FGD1: variants seen among roughly 807,000 people sequenced by gnomAD.
FGD1 encodes the protein FYVE, RhoGEF and PH domain-containing protein 1.
FGD1 carries 12 observed loss-of-function variants against 65.0 expected under a neutral mutation model. That is an observed-to-expected ratio of 0.18 (90% CI 0.12 to 0.30). The LOEUF (loss-of-function observed/expected upper bound fraction) is 0.30, where lower values mean the gene tolerates loss of function less well. FGD1 is among the 10% of genes least tolerant of loss of function. The pLI is 1.00. For synonymous variants in FGD1, 333 were observed against 343.9 expected, an observed-to-expected ratio of 0.97 and a Z score of 0.35; for missense variants, 542 against 837.6, an observed-to-expected ratio of 0.65 and a Z score of 4.36.
At chrX:54,491,949 T>A (rs1337858820) in intron 1 of FGD1, among the ~76,000 whole-genome samples, 1 of 109,066 alleles carries the variant, frequency 9.2e-6, no homozygotes, top group Non-Finnish European at 1.9e-5. Flanking sequence ...AAAACGGCTC[T>A]AACATCAGGT....
chrX:54,486,571 A>G (rs1422509946), intron 1 of FGD1, among the ~76,000 whole-genome samples: 1 of 110,059 alleles, frequency 9.1e-6, no homozygotes, highest in African/African-American at 3.3e-5. Flanking sequence ...AGTAGAGACA[A>G]CATTACGCCA....
At chrX:54,468,276 A>C (rs775068712) in intron 5 of FGD1, among the ~76,000 whole-genome samples, 1 of 111,695 alleles carries the variant, frequency 9.0e-6, no homozygotes, top group Non-Finnish European at 1.9e-5. Flanking sequence ...AACAATTAGA[A>C]GTCAGGATCA....
chrX:54,459,938 T>C (rs748870577), intron 8 of FGD1, among the ~76,000 whole-genome samples: 2 of 107,248 alleles, frequency 1.9e-5, no homozygotes, highest in East Asian at 6.3e-4. Flanking sequence ...CCATTCTTTA[T>C]TTCTTTACTT....
Position 54,471,385 on chromosome X carries a change from G to C in FGD1, c.410C>G (p.Pro137Arg). ...PEGPQRLRSD[P>R]GPPTETPSQR... ...GCTAGGGGTTTCAGTCGGGGGACCT[G>C]GGTCTGAGCGAAGCCGCTGGGGACC... The change falls in exon 2 of 18, where the codon CCA becomes CGA. Residue 137 changes from proline to arginine, a missense_variant. Physicochemically the swap from Pro to Arg is moderately radical, Grantham distance 103 (BLOSUM62 -2). Coordinates refer to ENST00000375135, the MANE Select transcript of FGD1 (RefSeq NM_004463.3). The C allele has an allele frequency of 8.3e-7, 1 of 1,211,263 alleles. No individual in the cohort carries two copies.
At chrX:54,463,531 C>T (rs771097048) in intron 8 of FGD1, among the ~76,000 whole-genome samples, 1 of 112,121 alleles carries the variant, frequency 8.9e-6, no homozygotes, top group South Asian at 3.8e-4. Flanking sequence ...CTCTCTTGCT[C>T]CCCAAGTAAT....
Position 54,470,701 on chromosome X carries a change from GGATGGGCT to G in FGD1, c.533_540del (p.Glu178AlafsTer36). On this transcript the variant is annotated frameshift_variant, in exon 3 of 18. Transcript: ENST00000375135. LOFTEE classifies it high-confidence loss of function. ...GGCAGTGGGCGTGATGGTGGAGGGGGGATGGGCTCCAGTGGGGGGGGCATCCGGGGCAT... is the reference window on the plus strand; with the variant it reads ...GGCAGTGGGCGTGATGGTGGAGGGGGCCAGTGGGGGGGGCATCCGGGGCAT... The G allele has an allele frequency of 1.0e-6, 1 of 993,385 alleles. No homozygotes were observed. The highest frequency in any genetic ancestry group is 1.4e-6 in the Non-Finnish European group (1 of 711,578). 81.9% of individuals were successfully genotyped at this position (993,385 alleles called of 1,213,427 possible). A position where few individuals can be genotyped will look rare whatever the true frequency, so the allele number is the denominator to read the frequency against.
At position 54,456,301 on chromosome X, in the gene FGD1, G is replaced by C; in HGVS notation, c.1761C>G (p.Pro587=). Residue 587 remains proline, a synonymous_variant, in exon 10 of 18, where the codon CCC becomes CCG. Transcript: ENST00000375135. The stretch of plus-strand genomic sequence containing the variant: ...GGCCTTCTTTTATGAGCTCTTTGGT[G>C]GGGCTGACAATGTCCTCCTCGCCCC... ...LLGGEEDIVS[P]TKELIKEGHI... is the part of the protein sequence containing the mutation. 8.3e-7 allele frequency: 1 copy of C among 1,211,006 alleles called. No homozygotes were observed. Among genetic ancestry groups the C allele is most frequent in the Non-Finnish European group, 1.1e-6 (1 of 895,136 alleles).
chrX:54,460,146 TA>T (rs113232435), intron 8 of FGD1, among the ~76,000 whole-genome samples: 16,080 of 104,493 alleles, frequency 0.15, 2,154 homozygotes, highest in African/African-American at 0.42. Context: ...ATAAAAATAA[TA>T]AAAAAAAATA....
At chrX:54,465,351 G>A in intron 8 of FGD1, 100 bp downstream of exon 8, 1 of 959,008 alleles carries the variant, frequency 1.0e-6, no homozygotes, top group Non-Finnish European at 1.4e-6. Context: ...GGCAATGGAA[G>A]GCCGACCCTG....
In FGD1 at chrX:54,495,416, G is replaced by T. The variant is rs1161949227; in HGVS notation, c.17C>A (p.Ala6Asp). 1 of 1,093,260 alleles carries T rather than the reference G, an allele frequency of 9.1e-7. No individual in the cohort carries two copies. Among genetic ancestry groups the T allele is most frequent in the Non-Finnish European group, 1.2e-6 (1 of 845,670 alleles). The allele number at this position is 1,093,260 out of a possible 1,213,427, so 90.1% of individuals were successfully genotyped here. Reference protein sequence around the residue: MHGHRAPGGAGPSEPE... With the variant: MHGHRDPGGAGPSEPE... The stretch of plus-strand genomic sequence containing the variant: ...CTCCGAAGGCCCGGCGCCCCCCGGG[G>T]CTCGGTGGCCATGCATGGTCCGGGC... The change falls in exon 1 of 18, where the codon GCC (alanine) becomes GAC (aspartate). Residue 6 changes from alanine to aspartate, a missense_variant. Physicochemically the swap from Ala to Asp is moderately radical, Grantham distance 126. Coordinates refer to ENST00000375135, the MANE Select transcript of FGD1 (RefSeq NM_004463.3).
intron 10 of FGD1, 134 bp downstream of exon 10, chrX:54,456,086 G>T (rs1569541077): frequency 2.9e-6 from 2 of 683,488 alleles, no homozygotes; most frequent in Non-Finnish European, 2.2e-6. Context: ...CTAGCAGGAG[G>T]TATAGTCTGT....
At position 54,446,430 on chromosome X, in the gene FGD1, A is replaced by G; in HGVS notation, c.2581-16T>C. On this transcript the variant is annotated splice_polypyrimidine_tract_variant and intron_variant, in intron 17 of 17. Coordinates refer to ENST00000375135, the MANE Select transcript of FGD1 (RefSeq NM_004463.3). ...CTTTCACATCCTGGCGGGAGGAGGG[A>G]CAGAGCTGGGGCCACCTTGGGGCTA... The G allele has an allele frequency of 8.3e-7, 1 of 1,202,604 alleles. No individual in the cohort carries two copies. The highest frequency in any genetic ancestry group is 1.1e-6 in the Non-Finnish European group (1 of 890,103).
intron 1 of FGD1, among the ~76,000 whole-genome samples, chrX:54,494,083 C>A (rs1923471990): frequency 8.9e-6 from 1 of 112,816 alleles, no homozygotes. Context: ...GTCTGTGTAG[C>A]ACAAAGGCAG....
chrX:54,454,939 C>G (rs73634948), intron 12 of FGD1, among the ~76,000 whole-genome samples: 1,832 of 112,189 alleles, frequency 0.016, 40 homozygotes, highest in African/African-American at 0.056. Flanking sequence ...ACACCTAAGA[C>G]AGCAATAATT....
chrX:54,466,899 G>A (rs1016757761), intron 6 of FGD1, among the ~76,000 whole-genome samples: 16 of 109,047 alleles, frequency 1.5e-4, no homozygotes, highest in Admixed American at 9.9e-4. Flanking sequence ...ACAGGCGCCC[G>A]CCACCATGCC....
At chrX:54,489,104 A>C (rs967421936) in intron 1 of FGD1, among the ~76,000 whole-genome samples, 1 of 112,616 alleles carries the variant, frequency 8.9e-6, no homozygotes, top group East Asian at 2.8e-4. Flanking sequence ...TCAACAGAGT[A>C]AACAACCTAC....
chrX:54,452,575 G>T (rs145415553), intron 12 of FGD1, among the ~76,000 whole-genome samples: 3 of 109,768 alleles, frequency 2.7e-5, no homozygotes, highest in African/African-American at 1.0e-4. Flanking sequence ...GCGAAACCCC[G>T]TCTCTACTAA....
Position 54,446,357 on chromosome X carries a change from C to T in FGD1, c.2638G>A (p.Ala880Thr), listed in dbSNP as rs775291919. 1 of 1,209,640 alleles carries T rather than the reference C, an allele frequency of 8.3e-7. No homozygotes were observed. Among genetic ancestry groups the T allele is most frequent in the Non-Finnish European group, 1.1e-6 (1 of 894,865 alleles). The change falls in exon 18 of 18, where the codon GCA (alanine) becomes ACA (threonine). Residue 880 changes from alanine (A) to threonine (T), a missense_variant. This residue lies in a region of FGD1 where 182 missense variants were observed against 311.4 expected (regional missense o/e 0.58). Transcript: ENST00000375135. ...LIGFEVGPPE[A>T]GERPDRRHVF... Reference sequence around the variant, plus strand: ...TGCCTTCTGTCAGGCCGCTCCCCTGCCTCGGGCGGTCCCACCTCGAAGCCA... The same window carrying T: ...TGCCTTCTGTCAGGCCGCTCCCCTGTCTCGGGCGGTCCCACCTCGAAGCCA...
chrX:54,477,260 G>A (rs954747911), intron 1 of FGD1, among the ~76,000 whole-genome samples: 5 of 111,967 alleles, frequency 4.5e-5, no homozygotes, highest in Admixed American at 9.5e-5. Context: ...TGCCCCCCCA[G>A]GCATTCAGCA....
Sources: allele counts gnomAD v4.1 joint callset (sites outside exome capture counted in the v4.1 genomes callset), GRCh38; gene constraint gnomAD v4.1.1; regional missense constraint gnomAD v4.1.1; transcripts MANE v1.5; gene names NCBI Gene and HGNC (gene_info 2026-07-23, HGNC 2026-07-21).